Variants in DACH1 observed in about 807,000 individuals in gnomAD.
DACH1 encodes dachshund homolog 1.
DACH1 carries 12 observed loss-of-function variants against 54.2 expected under a neutral mutation model. The ratio of observed to expected loss-of-function variants is 0.22; its 90% CI spans 0.14 to 0.36. The LOEUF (loss-of-function observed/expected upper bound fraction) is 0.36, where lower values mean the gene tolerates loss of function less well. Ranked by LOEUF, DACH1 falls within the 10% of genes least tolerant of loss-of-function variation. The probability of loss-of-function intolerance (pLI) is 1.00; values close to 1 mark genes in which losing one functional copy is unlikely to be tolerated. For missense variants in DACH1, 805 were observed against 929.8 expected (o/e 0.87, Z 1.75); for synonymous variants, 386 against 366.2 (o/e 1.05, Z -0.62).
At chr13:71,519,416 T>C (rs1426666871) in intron 6 of DACH1, among the ~76,000 whole-genome samples, 1 of 151,810 alleles carries the variant, frequency 6.6e-6, no homozygotes, top group Non-Finnish European at 1.5e-5. Context: ...TGATGAAACA[T>C]GGTAGGAACA....
At chr13:71,752,122 A>T (rs751594728) in intron 1 of DACH1, among the ~76,000 whole-genome samples, 28 of 152,168 alleles carry the variant, frequency 1.8e-4, no homozygotes, top group Admixed American at 4.6e-4. Context: ...AAATAAGTGG[A>T]CATTTTTAAG....
chr13:71,825,320 T>C (rs937989933), intron 1 of DACH1, among the ~76,000 whole-genome samples: 1 of 152,254 alleles, frequency 6.6e-6, no homozygotes, highest in South Asian at 2.1e-4. Context: ...TATTGATAAA[T>C]AATTCACCTA....
intron 6 of DACH1, among the ~76,000 whole-genome samples, chr13:71,489,696 C>T (rs1040618970): frequency 6.6e-6 from 1 of 152,016 alleles, no homozygotes; most frequent in Admixed American, 6.6e-5. Context: ...ATATGTATTT[C>T]TAAATTATAA....
intron 1 of DACH1, among the ~76,000 whole-genome samples, chr13:71,766,211 C>G (rs573838658): frequency 1.7e-4 from 26 of 152,234 alleles, no homozygotes; most frequent in African/African-American, 4.8e-4. Flanking sequence ...ACTATTTCCC[C>G]TAAATTTCCT....
intron 1 of DACH1, among the ~76,000 whole-genome samples, chr13:71,787,390 T>TA (rs1186087629): frequency 6.6e-6 from 1 of 152,214 alleles, no homozygotes; most frequent in Admixed American, 6.5e-5. Context: ...AAGGTAATCT[T>TA]ACTTTATTAG....
intron 3 of DACH1, among the ~76,000 whole-genome samples, chr13:71,584,577 C>A (rs984961342): frequency 6.6e-6 from 1 of 151,994 alleles, no homozygotes; most frequent in African/African-American, 2.4e-5. Context: ...AAGAATAGAA[C>A]TTGGCTTAAT....
At chr13:71,756,285 T>C (rs1451123751) in intron 1 of DACH1, among the ~76,000 whole-genome samples, 1 of 151,922 alleles carries the variant, frequency 6.6e-6, no homozygotes, top group African/African-American at 2.4e-5. Context: ...CCTCGTGATC[T>C]GCCCGCCTTG....
intron 10 of DACH1, among the ~76,000 whole-genome samples, chr13:71,453,859 G>A (rs149882864): frequency 1.2e-3 from 182 of 152,236 alleles, no homozygotes; most frequent in African/African-American, 4.1e-3. Context: ...AGCTAAAGAA[G>A]TGACACTTTC....
At chr13:71,670,869 G>A (rs1287432640) in intron 2 of DACH1, among the ~76,000 whole-genome samples, 1 of 151,870 alleles carries the variant, frequency 6.6e-6, no homozygotes, top group African/African-American at 2.4e-5. Flanking sequence ...TATTTTTACA[G>A]GTGAAAGAAA....
intron 1 of DACH1, among the ~76,000 whole-genome samples, chr13:71,757,232 C>A (rs955301732): frequency 1.3e-5 from 2 of 152,104 alleles, no homozygotes; most frequent in African/African-American, 4.8e-5. Flanking sequence ...TAATTCAAGA[C>A]TTGGGATCAA....
At chr13:71,606,421 A>C (rs1248788858) in intron 3 of DACH1, among the ~76,000 whole-genome samples, 1 of 152,076 alleles carries the variant, frequency 6.6e-6, no homozygotes, top group South Asian at 2.1e-4. Flanking sequence ...AATCTACAAT[A>C]GAACTATTTT....
At chr13:71,519,907 A>ATATATATATATATATATATATATATC (rs1248149525) in intron 6 of DACH1, among the ~76,000 whole-genome samples, 5 of 137,640 alleles carry the variant, frequency 3.6e-5, no homozygotes, top group East Asian at 2.2e-4. Flanking sequence ...ATATATATAT[A>ATATATATATATATATATATATATATC]TCCTAACTAA....
intron 2 of DACH1, among the ~76,000 whole-genome samples, chr13:71,670,709 A>G (rs1382534261): frequency 6.6e-6 from 1 of 152,098 alleles, no homozygotes; most frequent in Non-Finnish European, 1.5e-5. Context: ...AAAGAAAGTT[A>G]GCAATGGCAT....
chr13:71,705,127 A>T (rs913103339), intron 1 of DACH1, among the ~76,000 whole-genome samples: 2 of 152,188 alleles, frequency 1.3e-5, no homozygotes, highest in African/African-American at 4.8e-5. Context: ...TTTGGAGATA[A>T]TGCTGTTCAA....
At chr13:71,465,959 G>A (rs1876529110) in intron 10 of DACH1, among the ~76,000 whole-genome samples, 1 of 152,104 alleles carries the variant, frequency 6.6e-6, no homozygotes, top group African/African-American at 2.4e-5. Context: ...TACTATCATT[G>A]ATATTTGTTG....
In DACH1 at chr13:71,572,719, A is replaced by T. The variant is rs1005389554; in HGVS notation, c.1299+121T>A. ...TTTGCTACAAGTGATTTTTTTTAAT[A>T]GTCTATTTACTATCACTTAGCTTTT... On this transcript the variant is annotated intron_variant, in intron 4 of 10. Coordinates refer to ENST00000613252, the MANE Select transcript of DACH1 (RefSeq NM_080759.6). 5.8e-6 allele frequency: 6 copies of T among 1,042,570 alleles called. No homozygotes were observed. The South Asian group carries it at 1.1e-4, about 19-fold the overall frequency. The allele number at this position is 1,042,570 out of a possible 1,614,324, so 64.6% of individuals were successfully genotyped here. A position where few individuals can be genotyped will look rare whatever the true frequency, so the allele number is the denominator to read the frequency against.
chr13:71,497,887 C>G (rs1879574179), intron 6 of DACH1, among the ~76,000 whole-genome samples: 1 of 150,296 alleles, frequency 6.7e-6, no homozygotes, highest in Non-Finnish European at 1.5e-5. Context: ...CACACACACA[C>G]ACACACACAC....
intron 6 of DACH1, among the ~76,000 whole-genome samples, chr13:71,517,390 A>G (rs1034666155): frequency 1.3e-5 from 2 of 152,030 alleles, no homozygotes; most frequent in African/African-American, 4.8e-5. Context: ...TATATAACTG[A>G]ATCTTCAAAT....
At chr13:71,589,931 G>C (rs1238991939) in intron 3 of DACH1, among the ~76,000 whole-genome samples, 1 of 151,988 alleles carries the variant, frequency 6.6e-6, no homozygotes, top group Non-Finnish European at 1.5e-5. Context: ...AACCATGCCA[G>C]AGAGCAATTC....
Sources: allele counts gnomAD v4.1 joint callset (sites outside exome capture counted in the v4.1 genomes callset), GRCh38; gene constraint gnomAD v4.1.1; transcripts MANE v1.5; gene names NCBI Gene and HGNC (gene_info 2026-07-23, HGNC 2026-07-21).